HS3ST5: variants seen among roughly 807,000 people sequenced by gnomAD.
The protein encoded by HS3ST5 is heparan sulfate-glucosamine 3-sulfotransferase 5.
Under a neutral mutation model 25.4 loss-of-function variants are expected in HS3ST5, and 10 were observed. That is an observed-to-expected ratio of 0.39 (90% CI 0.24 to 0.67). HS3ST5 has a LOEUF of 0.67. Among genes scored for constraint, HS3ST5 ranks in the 30% least tolerant of loss-of-function variants. The pLI, the probability that HS3ST5 is intolerant of heterozygous loss-of-function variation, is 0.44. For synonymous variants in HS3ST5, 170 were observed against 162.4 expected (o/e 1.05, Z -0.36); for missense variants, 324 against 420.7 (o/e 0.77, Z 2.01).
intron 2 of HS3ST5, among the ~76,000 whole-genome samples, chr6:114,174,453 T>C (rs777516854): frequency 6.6e-6 from 1 of 152,116 alleles, no homozygotes; most frequent in African/African-American, 2.4e-5. Flanking sequence ...TGGAATATTC[T>C]AGATGCTCTC....
At chr6:114,208,872 GT>G (rs971707807) in intron 2 of HS3ST5, among the ~76,000 whole-genome samples, 1 of 152,082 alleles carries the variant, frequency 6.6e-6, no homozygotes, top group African/African-American at 2.4e-5. Context: ...CTATTTTAAA[GT>G]TTAGGGTTTG....
chr6:114,263,700 C>T (rs1773279096), intron 1 of HS3ST5, among the ~76,000 whole-genome samples: 1 of 152,048 alleles, frequency 6.6e-6, no homozygotes, highest in South Asian at 2.1e-4. Context: ...TTAGGAACCA[C>T]AAGGTATGTA....
At chr6:114,122,363 G>A (rs1171635176) in intron 3 of HS3ST5, among the ~76,000 whole-genome samples, 1 of 152,140 alleles carries the variant, frequency 6.6e-6, no homozygotes, top group Non-Finnish European at 1.5e-5. Context: ...AGTAGATTTT[G>A]TCTGGGTCTG....
chr6:114,301,843 C>A (rs1327722914), intron 1 of HS3ST5, among the ~76,000 whole-genome samples: 1 of 152,164 alleles, frequency 6.6e-6, no homozygotes, highest in Non-Finnish European at 1.5e-5. Flanking sequence ...CTCATCATCA[C>A]CACTTAAGTG....
At chr6:114,093,205 AC>A (rs1044853750) in intron 3 of HS3ST5, among the ~76,000 whole-genome samples, 34 of 152,286 alleles carry the variant, frequency 2.2e-4, no homozygotes, top group African/African-American at 7.9e-4. Context: ...AACAGGAAGT[AC>A]ACTGGGTTGT....
intron 1 of HS3ST5, among the ~76,000 whole-genome samples, chr6:114,287,607 A>G (rs1774392907): frequency 6.6e-6 from 1 of 152,082 alleles, no homozygotes; most frequent in Non-Finnish European, 1.5e-5. Context: ...AAGGTGAAAA[A>G]GAAGCATTTT....
chr6:114,142,049 T>C lies in HS3ST5; in HGVS notation c.-33+26302A>G, dbSNP rs1001376307. Reference sequence around the variant, plus strand: ...TTGTTTGTAATATTCATGATATTTCTTGGTTTCCAGTTTGTCTCTCTTCTC... The same window carrying C: ...TTGTTTGTAATATTCATGATATTTCCTGGTTTCCAGTTTGTCTCTCTTCTC... On this transcript the variant is annotated intron_variant, in intron 3 of 4. Transcript: ENST00000312719. Among the ~76,000 whole-genome samples, 11 of 152,186 alleles carry C rather than the reference T, an allele frequency of 7.2e-5. No homozygotes were observed. In the East Asian group the frequency reaches 1.9e-3, roughly 27 times the overall value.
intron 3 of HS3ST5, among the ~76,000 whole-genome samples, chr6:114,064,895 C>T (rs1773359465): frequency 6.6e-6 from 1 of 152,018 alleles, no homozygotes; most frequent in Admixed American, 6.5e-5. Flanking sequence ...GGAACCAGCT[C>T]ACATGAGGGA....
chr6:114,216,609 G>C (rs1562241371), intron 2 of HS3ST5, among the ~76,000 whole-genome samples: 1 of 151,808 alleles, frequency 6.6e-6, no homozygotes, highest in Non-Finnish European at 1.5e-5. Context: ...TAGAGAATGA[G>C]CTAATGTGTG....
At chr6:114,321,229 C>G (rs1775958654) in intron 1 of HS3ST5, among the ~76,000 whole-genome samples, 1 of 152,084 alleles carries the variant, frequency 6.6e-6, no homozygotes, top group Non-Finnish European at 1.5e-5. Context: ...ATACCTAGCA[C>G]AGTGCCTGAA....
intron 2 of HS3ST5, among the ~76,000 whole-genome samples, chr6:114,184,781 T>C (rs377470236): frequency 6.6e-6 from 1 of 152,192 alleles, no homozygotes; most frequent in Non-Finnish European, 1.5e-5. Context: ...GCTGACCCAG[T>C]GGGTCTGGAG....
chr6:114,323,974 ACCCCTGCAGGGTCTTCTTC>A (rs893726409), intron 1 of HS3ST5, among the ~76,000 whole-genome samples: 13 of 151,976 alleles, frequency 8.6e-5, no homozygotes, highest in Non-Finnish European at 1.5e-4. Context: ...TTTTGAGAAG[ACCCCTGCAGGGTCTTCTTC>A]CCCCTGCTGG....
chr6:114,308,659 G>A (rs978751573), intron 1 of HS3ST5, among the ~76,000 whole-genome samples: 2 of 152,074 alleles, frequency 1.3e-5, no homozygotes, highest in Non-Finnish European at 2.9e-5. Context: ...AGAAAGAATA[G>A]CTCTTTCACT....
At chr6:114,323,790 T>G (rs544550266) in intron 1 of HS3ST5, among the ~76,000 whole-genome samples, 1 of 152,278 alleles carries the variant, frequency 6.6e-6, no homozygotes, top group East Asian at 1.9e-4. Flanking sequence ...GGTATAAAGC[T>G]ATAGAGTATT....
intron 2 of HS3ST5, among the ~76,000 whole-genome samples, chr6:114,210,221 C>A (rs898110503): frequency 6.6e-6 from 1 of 152,054 alleles, no homozygotes; most frequent in African/African-American, 2.4e-5. Context: ...TTTGTAGCTC[C>A]ATTCATCTGT....
chr6:114,104,460 T>G (rs1775894383), intron 3 of HS3ST5, among the ~76,000 whole-genome samples: 1 of 152,194 alleles, frequency 6.6e-6, no homozygotes, highest in South Asian at 2.1e-4. Context: ...GCTTTGAGGT[T>G]TCCCACAATT....
chr6:114,274,499 G>T (rs1229057431), intron 1 of HS3ST5, among the ~76,000 whole-genome samples: 1 of 151,948 alleles, frequency 6.6e-6, no homozygotes, highest in Non-Finnish European at 1.5e-5. Context: ...GAGGTTATAA[G>T]GAAGAAACTA....
At chr6:114,161,555 AT>A (rs1778967106) in intron 3 of HS3ST5, among the ~76,000 whole-genome samples, 1 of 99,990 alleles carries the variant, frequency 1.0e-5, no homozygotes, top group Non-Finnish European at 2.2e-5. Flanking sequence ...ATATATATAT[AT>A]ATATATATAT....
chr6:114,288,208 T>C (rs1030449749), intron 1 of HS3ST5, among the ~76,000 whole-genome samples: 3 of 152,098 alleles, frequency 2.0e-5, no homozygotes, highest in East Asian at 3.9e-4. Context: ...CAGCATTTGA[T>C]AGAGTAATCT....
Sources: gnomAD v4.1 joint callset for allele counts (sites outside exome capture counted in the v4.1 genomes callset) on GRCh38, gnomAD v4.1.1 for gene constraint, MANE v1.5 for transcripts, NCBI Gene and HGNC (gene_info 2026-07-23, HGNC 2026-07-21) for gene names.